Variants in DIAPH2 observed in about 807,000 individuals in gnomAD.
DIAPH2 encodes the protein diaphanous related formin 2.
In DIAPH2, 35 loss-of-function variants were observed where a neutral mutation model predicts 92.7. The observed-to-expected ratio is 0.38, with a 90% CI of 0.29 to 0.50. DIAPH2 has a LOEUF of 0.50. Ranked by LOEUF, DIAPH2 falls within the 20% of genes least tolerant of loss-of-function variation. The pLI is 0.94. For synonymous variants in DIAPH2, 301 were observed against 280.4 expected, an observed-to-expected ratio of 1.07 and a Z score of -0.73; for missense variants, 701 against 819.5, an observed-to-expected ratio of 0.86 and a Z score of 1.77.
intron 1 of DIAPH2, among the ~76,000 whole-genome samples, chrX:96,710,175 G>A (rs2063909605): frequency 1.8e-5 from 2 of 111,368 alleles, no homozygotes; most frequent in African/African-American, 3.3e-5. Flanking sequence ...AGGTTGCTAA[G>A]TATTATTTAG....
intron 17 of DIAPH2, among the ~76,000 whole-genome samples, chrX:97,040,335 A>G (rs989133582): frequency 2.7e-5 from 3 of 110,803 alleles, no homozygotes; most frequent in Non-Finnish European, 5.7e-5. Flanking sequence ...GGGATGGTGT[A>G]GAGAAACATA....
intron 22 of DIAPH2, among the ~76,000 whole-genome samples, chrX:97,221,321 G>A: frequency 8.9e-6 from 1 of 111,806 alleles, no homozygotes; most frequent in Middle Eastern, 4.6e-3. Context: ...AACGTATTGT[G>A]TTAGGTCAAA....
In DIAPH2 at chrX:96,939,389, G is replaced by A. The variant is rs745534985; in HGVS notation, c.1325+7G>A. 1.2e-5 allele frequency: 10 copies of A among 836,336 alleles called. No homozygotes were observed. The highest frequency in any genetic ancestry group is 7.0e-6 in the Non-Finnish European group (4 of 570,588). The allele number at this position is 836,336 out of a possible 1,213,427, so 68.9% of individuals were successfully genotyped here. A position where few individuals can be genotyped will look rare whatever the true frequency, so the allele number is the denominator to read the frequency against. On this transcript the variant is annotated splice_region_variant and intron_variant, in intron 12 of 26. Transcript: ENST00000324765. ...GAAATGATTATTATATCAGGTAAGA[G>A]GCAGTTCTGAGAGTACTATATTTAT...
At chrX:97,318,657 G>A (rs1351351941) in intron 23 of DIAPH2, among the ~76,000 whole-genome samples, 1 of 107,247 alleles carries the variant, frequency 9.3e-6, no homozygotes, top group African/African-American at 3.4e-5. Context: ...GACTATTTTT[G>A]TATTTTTAGT....
chrX:96,705,943 GCA>G (rs1307723891), intron 1 of DIAPH2, among the ~76,000 whole-genome samples: 1 of 112,424 alleles, frequency 8.9e-6, no homozygotes, highest in East Asian at 2.8e-4. Context: ...CTAAACTTGT[GCA>G]CAGTTTGCAA....
intron 26 of DIAPH2, among the ~76,000 whole-genome samples, chrX:97,554,522 A>G (rs969480280): frequency 8.9e-6 from 1 of 111,941 alleles, no homozygotes; most frequent in Non-Finnish European, 1.9e-5. Flanking sequence ...GAATCCTGAA[A>G]TGAACCCATA....
At chrX:97,195,712 C>G (rs1483635555) in intron 22 of DIAPH2, among the ~76,000 whole-genome samples, 2 of 88,227 alleles carry the variant, frequency 2.3e-5, no homozygotes, top group African/African-American at 8.2e-5. Context: ...GAAAGTAATA[C>G]AAAAAGTCTA....
chrX:97,521,636 A>T (rs2070991942), intron 26 of DIAPH2, among the ~76,000 whole-genome samples: 1 of 110,460 alleles, frequency 9.1e-6, no homozygotes, highest in African/African-American at 3.3e-5. Flanking sequence ...TTCTCAGGAG[A>T]TCTGATGGTT....
At chrX:97,161,051 G>GTT (rs533317066) in intron 22 of DIAPH2, among the ~76,000 whole-genome samples, 84 of 88,884 alleles carry the variant, frequency 9.5e-4, no homozygotes, top group Admixed American at 2.2e-3. Flanking sequence ...TTGTTTTTTT[G>GTT]TTTTTTTTTT....
intron 26 of DIAPH2, among the ~76,000 whole-genome samples, chrX:97,573,616 T>C (rs2147875567): frequency 9.1e-6 from 1 of 109,994 alleles, no homozygotes; most frequent in East Asian, 2.9e-4. Context: ...TAAAATAAAA[T>C]GGTATCAAGG....
intron 19 of DIAPH2, among the ~76,000 whole-genome samples, chrX:97,083,590 T>C (rs1264199831): frequency 9.0e-6 from 1 of 111,431 alleles, no homozygotes; most frequent in Non-Finnish European, 1.9e-5. Context: ...TGGATACCAG[T>C]AGCAGCTCCA....
At chrX:96,898,950 A>G (rs1237104197) in intron 5 of DIAPH2, among the ~76,000 whole-genome samples, 2,414 of 105,394 alleles carry the variant, frequency 0.023, 66 homozygotes, top group Middle Eastern at 0.067. Flanking sequence ...CATATGGCTA[A>G]CCAGTTTTCC....
chrX:97,248,102 C>T (rs753644243), intron 23 of DIAPH2, among the ~76,000 whole-genome samples: 2 of 111,776 alleles, frequency 1.8e-5, no homozygotes, highest in Non-Finnish European at 3.8e-5. Flanking sequence ...CAAGGTAAGT[C>T]TTAAGAGGTT....
At chrX:96,762,040 G>A (rs2064272508) in intron 4 of DIAPH2, among the ~76,000 whole-genome samples, 1 of 110,746 alleles carries the variant, frequency 9.0e-6, no homozygotes, top group Non-Finnish European at 1.9e-5. Flanking sequence ...TTCTTACTGG[G>A]GTTTCAGTTA....
chrX:96,780,391 A>C (rs2147624480), intron 4 of DIAPH2, among the ~76,000 whole-genome samples: 1 of 112,461 alleles, frequency 8.9e-6, no homozygotes, highest in African/African-American at 3.2e-5. Flanking sequence ...CCCATTATTT[A>C]AAATGTGTGT....
chrX:97,006,582 G>A (rs1346690947), intron 17 of DIAPH2, among the ~76,000 whole-genome samples: 7 of 111,737 alleles, frequency 6.3e-5, no homozygotes, highest in Non-Finnish European at 1.3e-4. Flanking sequence ...GTCTACTCCT[G>A]CTCTTTTTCC....
chrX:97,327,353 C>G lies in DIAPH2; in HGVS notation c.2845-20763C>G, dbSNP rs2068960369. 2.7e-5 allele frequency among the ~76,000 whole-genome samples: 3 copies of G among 111,281 alleles called. No homozygotes were observed. The Admixed American group carries it at 2.9e-4, about 11-fold the overall frequency. On this transcript the variant is annotated intron_variant, in intron 23 of 26. Coordinates refer to ENST00000324765, the MANE Select transcript of DIAPH2 (RefSeq NM_006729.5). Reference sequence around the variant, plus strand: ...ACCTCAGGCAATCCGCCTGCCTCAGCCTCCCAAAGTGCTAGGATTACAGGC... The same window carrying G: ...ACCTCAGGCAATCCGCCTGCCTCAGGCTCCCAAAGTGCTAGGATTACAGGC...
At chrX:96,761,319 T>C (rs1334903917) in intron 4 of DIAPH2, among the ~76,000 whole-genome samples, 1 of 81,890 alleles carries the variant, frequency 1.2e-5, no homozygotes, top group East Asian at 5.3e-4. Flanking sequence ...TTTTAAGACA[T>C]GTGAACCATT....
intron 3 of DIAPH2, among the ~76,000 whole-genome samples, chrX:96,749,148 ATAT>A (rs1569382816): frequency 2.2e-4 from 16 of 71,469 alleles, no homozygotes; most frequent in African/African-American, 6.8e-4. Context: ...AAAAAAAAAT[ATAT>A]ATATATATAT....
Sources: gnomAD v4.1 joint callset for allele counts (sites outside exome capture counted in the v4.1 genomes callset) on GRCh38, gnomAD v4.1.1 for gene constraint, MANE v1.5 for transcripts, NCBI Gene and HGNC (gene_info 2026-07-23, HGNC 2026-07-21) for gene names.